The following EIF3H variants were observed in gnomAD, a reference collection of about 807,000 sequenced individuals.
EIF3H encodes the protein eIF-3-gamma.
A neutral mutation model predicts 44.2 loss-of-function variants in EIF3H; 26 were observed. That is an observed-to-expected ratio of 0.59 (90% CI 0.43 to 0.82). The LOEUF (loss-of-function observed/expected upper bound fraction) is 0.82. Ranked by LOEUF, EIF3H falls within the 40% of genes least tolerant of loss-of-function variation. EIF3H has a pLI of 0.00. For synonymous variants in EIF3H, 166 were observed against 151.9 expected (o/e 1.09, Z -0.68); for missense variants, 359 against 432.8 (o/e 0.83, Z 1.51).
chr8:116,681,359 C>A (rs1363704859), intron 2 of EIF3H, among the ~76,000 whole-genome samples: 1 of 150,600 alleles, frequency 6.6e-6, no homozygotes, highest in Non-Finnish European at 1.5e-5. Context: ...AAGACTCTGT[C>A]TAAAAGAAAA....
At chr8:116,762,127 T>G (rs569405201) in intron 1 of EIF3H, among the ~76,000 whole-genome samples, 6 of 152,348 alleles carry the variant, frequency 3.9e-5, no homozygotes, top group African/African-American at 1.4e-4. Flanking sequence ...GAAGGGCAAT[T>G]GTATTGACTG....
At chr8:116,751,452 T>G (rs1400955532) in intron 1 of EIF3H, among the ~76,000 whole-genome samples, 1 of 152,112 alleles carries the variant, frequency 6.6e-6, no homozygotes, top group East Asian at 1.9e-4. Flanking sequence ...TACATTCTGA[T>G]GAGGAAAACA....
At chr8:116,664,192 G>T (rs1486560462) in intron 2 of EIF3H, among the ~76,000 whole-genome samples, 1 of 152,154 alleles carries the variant, frequency 6.6e-6, no homozygotes, top group Non-Finnish European at 1.5e-5. Context: ...AGTTTTTCCA[G>T]ATATCCTCTT....
chr8:116,711,029 T>C (rs1041260974), intron 2 of EIF3H, among the ~76,000 whole-genome samples: 13 of 152,224 alleles, frequency 8.5e-5, no homozygotes, highest in Admixed American at 5.2e-4. Flanking sequence ...AAATATATTC[T>C]ATTTTAGAAA....
In EIF3H at chr8:116,702,664, G is replaced by T. The variant is rs1418173993; in HGVS notation, c.289+23352C>A. ...CATCAGAATTAATCTGAAGAATATG[G>T]TATCAATGAGAAGCTGATTTTAATC... On this transcript the variant is annotated intron_variant, in intron 2 of 7. Coordinates refer to ENST00000521861, the MANE Select transcript of EIF3H (RefSeq NM_003756.3). 2.6e-5 allele frequency among the ~76,000 whole-genome samples: 4 copies of T among 152,060 alleles called. 1 individual carries two copies. The highest frequency in any genetic ancestry group is 4.1e-4 in the South Asian group (2 of 4,828).
At chr8:116,725,995 A>C (rs1228926450) in intron 2 of EIF3H, 21 bp downstream of exon 2, 3 of 1,609,186 alleles carry the variant, frequency 1.9e-6, no homozygotes, top group Middle Eastern at 1.7e-4. Context: ...GCAAAGACAC[A>C]CTTGTGATGA....
intron 1 of EIF3H, among the ~76,000 whole-genome samples, chr8:116,746,295 A>G (rs1815234008): frequency 1.3e-5 from 2 of 152,226 alleles, no homozygotes; most frequent in Admixed American, 1.3e-4. Flanking sequence ...ACTATTCTGT[A>G]CACACCTTAA....
chr8:116,713,381 T>TTTTACCTTGACCACATTTTCAAAGG (rs1814606956), intron 2 of EIF3H, among the ~76,000 whole-genome samples: 1 of 152,130 alleles, frequency 6.6e-6, no homozygotes, highest in East Asian at 1.9e-4. Context: ...CAGAAAAATC[T>TTTTACCTTGACCACATTTTCAAAGG]TTTACCTTGA....
intron 2 of EIF3H, among the ~76,000 whole-genome samples, chr8:116,725,279 G>T (rs1404020365): frequency 6.6e-6 from 1 of 152,186 alleles, no homozygotes; most frequent in African/African-American, 2.4e-5. Flanking sequence ...GATGAAAGAG[G>T]TGGAAAAAGG....
chr8:116,689,077 A>C lies in EIF3H; in HGVS notation c.290-30097T>G, dbSNP rs114780906. 1.2e-3 allele frequency: 547 copies of C among 445,104 alleles called. 4 individuals carry two copies. The highest frequency in any genetic ancestry group is 1.0e-2 in the African/African-American group (497 of 49,780). The allele number at this position is 445,104 out of a possible 1,614,324, so 27.6% of individuals were successfully genotyped here. ...AAAAACGTATTACTTACATACATTT[A>C]ATGGAATACTACTCAGCAATAACAA... is the stretch of plus-strand genomic sequence containing the variant. On this transcript the variant is annotated intron_variant, in intron 2 of 7. Coordinates refer to ENST00000521861, the MANE Select transcript of EIF3H (RefSeq NM_003756.3).
At chr8:116,696,908 G>C (rs1014814670) in intron 2 of EIF3H, 1 of 324,088 alleles carries the variant, frequency 3.1e-6, no homozygotes, top group Non-Finnish European at 6.1e-6. Context: ...CAAAACTTTT[G>C]TAAAAGAAAA....
At chr8:116,716,606 TG>T (rs1254824232) in intron 2 of EIF3H, among the ~76,000 whole-genome samples, 1 of 152,048 alleles carries the variant, frequency 6.6e-6, no homozygotes, top group African/African-American at 2.4e-5. Context: ...CAATAAGACA[TG>T]AAGTTACATA....
At chr8:116,759,430 A>T (rs1815492387), upstream of EIF3H, among the ~76,000 whole-genome samples, 1 of 152,166 alleles carries the variant, frequency 6.6e-6, no homozygotes, top group East Asian at 1.9e-4. Context: ...AACTCTACCC[A>T]CTAGAAAAAC....
At chr8:116,720,146 A>G (rs1803865630) in intron 2 of EIF3H, among the ~76,000 whole-genome samples, 1 of 152,248 alleles carries the variant, frequency 6.6e-6, no homozygotes, top group Non-Finnish European at 1.5e-5. Flanking sequence ...TACACAGAAT[A>G]CAATGCCTAT....
At chr8:116,648,716 C>A (rs897029035) in intron 6 of EIF3H, 90 bp downstream of exon 6, 5 of 1,421,372 alleles carry the variant, frequency 3.5e-6, no homozygotes, top group East Asian at 2.5e-5. Flanking sequence ...CAATAATTTA[C>A]CAAAGATAAT....
At chr8:116,660,257 C>G (rs1813564464) in intron 2 of EIF3H, among the ~76,000 whole-genome samples, 1 of 152,156 alleles carries the variant, frequency 6.6e-6, no homozygotes. Context: ...AACTTGAAAC[C>G]TGTTTCATTT....
intron 1 of EIF3H, among the ~76,000 whole-genome samples, chr8:116,743,221 A>AG (rs1815160012): frequency 6.6e-6 from 1 of 152,146 alleles, no homozygotes; most frequent in African/African-American, 2.4e-5. Context: ...AGGCCAAGGC[A>AG]GGGGGATCAC....
At chr8:116,672,835 A>G (rs1275760525) in intron 2 of EIF3H, among the ~76,000 whole-genome samples, 1 of 152,086 alleles carries the variant, frequency 6.6e-6, no homozygotes, top group African/African-American at 2.4e-5. Context: ...CTGTCATCAG[A>G]TCTTCCTCCC....
chr8:116,730,376 C>G (rs1299030823), intron 1 of EIF3H, among the ~76,000 whole-genome samples: 1 of 152,114 alleles, frequency 6.6e-6, no homozygotes, highest in Non-Finnish European at 1.5e-5. Flanking sequence ...GTTGCATGCT[C>G]CTTTGAAGAA....
Sources: gnomAD v4.1 joint callset for allele counts (sites outside exome capture counted in the v4.1 genomes callset) on GRCh38, gnomAD v4.1.1 for gene constraint, MANE v1.5 for transcripts, NCBI Gene and HGNC (gene_info 2026-07-23, HGNC 2026-07-21) for gene names.